TIPIN: variants seen among roughly 807,000 people sequenced by gnomAD.
TIPIN encodes the protein TIMELESS-interacting protein.
TIPIN carries 29 observed loss-of-function variants against 35.6 expected under a neutral mutation model. That is an observed-to-expected ratio of 0.82 (90% CI 0.61 to 1.11). The LOEUF (loss-of-function observed/expected upper bound fraction) is 1.11. Among genes scored for constraint, TIPIN ranks in the 50% most tolerant of loss-of-function variants. The pLI, the probability that TIPIN is intolerant of heterozygous loss-of-function variation, is 0.00. For missense variants in TIPIN, 296 were observed against 345.4 expected, an observed-to-expected ratio of 0.86 and a Z score of 1.13; for synonymous variants, 102 against 121.5, an observed-to-expected ratio of 0.84 and a Z score of 1.06.
intron 1 of TIPIN, among the ~76,000 whole-genome samples, chr15:66,373,425 G>A (rs973882256): frequency 4.0e-5 from 6 of 151,866 alleles, no homozygotes; most frequent in Admixed American, 6.6e-5. Flanking sequence ...CCCGGGAGGC[G>A]GAGCTTGCAG....
At chr15:66,379,783 G>C (rs1595823274) in intron 1 of TIPIN, 2 of 1,602,202 alleles carry the variant, frequency 1.2e-6, no homozygotes, top group African/African-American at 2.7e-5. Flanking sequence ...AGAAGACTGA[G>C]TTCTACATTG....
At chr15:66,367,158 C>A (rs988639665) in intron 1 of TIPIN, among the ~76,000 whole-genome samples, 3 of 133,600 alleles carry the variant, frequency 2.2e-5, no homozygotes, top group South Asian at 2.6e-4. Context: ...CCAGCCTGGG[C>A]AACAGAGCAA....
chr15:66,347,687 A>C lies in TIPIN; in HGVS notation c.475+1373T>G, dbSNP rs1739376702. On this transcript the variant is annotated intron_variant, in intron 6 of 7. Transcript: ENST00000261881. ...AACCTCCACCTCCTGGATTCAAGTT[A>C]ATTCTCCTGCCTCAGCCTCCTGAGT... is the stretch of plus-strand genomic sequence containing the variant. Among the ~76,000 whole-genome samples the C allele has an allele frequency of 2.6e-5, 4 of 151,988 alleles. No individual in the cohort carries two copies. The South Asian group carries it at 8.3e-4, about 31-fold the overall frequency.
At chr15:66,358,734 A>T (rs2140475741), upstream of TIPIN, among the ~76,000 whole-genome samples, 1 of 152,146 alleles carries the variant, frequency 6.6e-6, no homozygotes, top group African/African-American at 2.4e-5. Context: ...TGTAGCTTGA[A>T]ACATTTTATT....
At chr15:66,385,945 C>T (rs374141338) in intron 1 of TIPIN, among the ~76,000 whole-genome samples, 1 of 151,874 alleles carries the variant, frequency 6.6e-6, no homozygotes, top group East Asian at 1.9e-4. Flanking sequence ...CAACCATGCC[C>T]AGCTAATAGA....
intron 1 of TIPIN, among the ~76,000 whole-genome samples, chr15:66,362,025 C>T (rs980096276): frequency 8.6e-5 from 13 of 151,026 alleles, no homozygotes; most frequent in Non-Finnish European, 1.6e-4. Flanking sequence ...GTGGCTCTGC[C>T]GGGCACAGTG....
intron 6 of TIPIN, among the ~76,000 whole-genome samples, chr15:66,348,008 C>CTTT (rs543925918): frequency 0.21 from 28,032 of 135,452 alleles, 3,767 homozygotes; most frequent in Middle Eastern, 0.34. Context: ...TTCTTTCTTT[C>CTTT]TTTTTTTTTT....
rs138329708 is a variant in TIPIN, at chr15:66,352,913, A to C, written c.35T>G (p.Leu12Arg). 1 of 1,614,130 alleles carries C rather than the reference A, an allele frequency of 6.2e-7. No homozygotes were observed. The highest frequency in any genetic ancestry group is 8.5e-7 in the Non-Finnish European group (1 of 1,180,016). Residue 12 changes from leucine to arginine, a missense_variant, in exon 2 of 8, where the codon CTA (leucine) becomes CGA (arginine). Physicochemically the swap from Leu to Arg is moderately radical, Grantham distance 102. Coordinates refer to ENST00000261881, the MANE Select transcript of TIPIN (RefSeq NM_017858.3). ...ATCTTCTACATGCTCATAATCTGGT[A>C]GGTCAATCACGCCATTCTCCTGTGG... is the stretch of plus-strand genomic sequence containing the variant. Reference protein sequence around the residue: ...LEPQENGVIDLPDYEHVEDET... With the variant: ...LEPQENGVIDRPDYEHVEDET...
At chr15:66,355,610 G>T (rs926063795) in intron 1 of TIPIN, among the ~76,000 whole-genome samples, 2 of 151,944 alleles carry the variant, frequency 1.3e-5, no homozygotes, top group Non-Finnish European at 2.9e-5. Flanking sequence ...AATTAGCGGG[G>T]CGTGGTGGCA....
At chr15:66,371,563 G>T (rs1307564174) in intron 1 of TIPIN, among the ~76,000 whole-genome samples, 5 of 151,556 alleles carry the variant, frequency 3.3e-5, no homozygotes, top group African/African-American at 4.8e-5. Context: ...GCCCAGGCTG[G>T]AGTGCAGTGG....
At chr15:66,359,990 C>T (rs1595807588), upstream of TIPIN, among the ~76,000 whole-genome samples, 2 of 152,066 alleles carry the variant, frequency 1.3e-5, no homozygotes, top group South Asian at 4.2e-4. Flanking sequence ...TCACTGTAAC[C>T]GTGAACTTCT....
intron 1 of TIPIN, chr15:66,379,257 T>TATTA: frequency 3.4e-6 from 5 of 1,481,482 alleles, no homozygotes; most frequent in Middle Eastern, 4.9e-4. Flanking sequence ...ACAGGTCTTT[T>TATTA]ATTACATCAT....
intron 1 of TIPIN, chr15:66,379,647 T>C (rs2093310641): frequency 1.2e-6 from 2 of 1,610,080 alleles, no homozygotes; most frequent in Non-Finnish European, 1.7e-6. Flanking sequence ...CCTCATCTTG[T>C]AACGGAAGCC....
chr15:66,383,217 C>T (rs1159350670), intron 1 of TIPIN, among the ~76,000 whole-genome samples: 1 of 151,860 alleles, frequency 6.6e-6, no homozygotes, highest in East Asian at 1.9e-4. Context: ...AAAATTATAC[C>T]AGAATTCAGA....
At chr15:66,359,209 A>C (rs1003732682), upstream of TIPIN, among the ~76,000 whole-genome samples, 34 of 150,658 alleles carry the variant, frequency 2.3e-4, no homozygotes, top group African/African-American at 8.4e-4. Context: ...AAAGATAGAA[A>C]GTAAATTACC....
chr15:66,367,156 G>A lies in TIPIN; in HGVS notation c.-8-14201C>T, dbSNP rs1350807140. Among the ~76,000 whole-genome samples the A allele has an allele frequency of 2.2e-5, 3 of 136,758 alleles. No individual in the cohort carries two copies. In the South Asian group the frequency reaches 7.4e-4, roughly 34 times the overall value. The allele number at this position is 136,758 out of a possible 152,430, so 89.7% of individuals were successfully genotyped here. ...GATCGCGCCACTGCACTCCAGCCTG[G>A]GCAACAGAGCAAGACTCTGTCTCAA... On this transcript the variant is annotated intron_variant, in intron 1 of 7. Transcript: ENST00000562124.
At chr15:66,356,815 T>G (rs1191647237), upstream of TIPIN, 1 of 817,420 alleles carries the variant, frequency 1.2e-6, no homozygotes, top group Non-Finnish European at 1.5e-6. Flanking sequence ...AGCACGCCGG[T>G]CCCGCCTTCG....
chr15:66,364,377 G>T (rs938534080), intron 1 of TIPIN, among the ~76,000 whole-genome samples: 2 of 151,670 alleles, frequency 1.3e-5, no homozygotes, highest in African/African-American at 2.4e-5. Context: ...CGTTGGCCAG[G>T]CTGGTCTTGA....
rs566243043 is a variant in TIPIN, at chr15:66,364,022, T to C, written c.-8-11067A>G. Among the ~76,000 whole-genome samples, 39 of 151,674 alleles carry C rather than the reference T, an allele frequency of 2.6e-4. 1 individual carries two copies. The South Asian group carries it at 5.6e-3, about 22-fold the overall frequency. On this transcript the variant is annotated intron_variant, in intron 1 of 7. Coordinates refer to the TIPIN transcript ENST00000562124. ...AACAAAAACAAAGAGCACCAAGCCATGAGGGATCCACCCCCATGACCCAAA... is the reference window on the plus strand; with the variant it reads ...AACAAAAACAAAGAGCACCAAGCCACGAGGGATCCACCCCCATGACCCAAA...
Sources: allele counts gnomAD v4.1 joint callset (sites outside exome capture counted in the v4.1 genomes callset), GRCh38; gene constraint gnomAD v4.1.1; transcripts MANE v1.5; gene names NCBI Gene and HGNC (gene_info 2026-07-23, HGNC 2026-07-21).